RIN3: variants seen among roughly 807,000 people sequenced by gnomAD.
RIN3 encodes RAB5 interacting protein 3.
In RIN3, 54 loss-of-function variants were observed where a neutral mutation model predicts 76.3. The ratio of observed to expected loss-of-function variants is 0.71; its 90% CI spans 0.57 to 0.89. The LOEUF is 0.89. Ranked by LOEUF, RIN3 falls within the 40% of genes least tolerant of loss-of-function variation. RIN3 has a pLI of 0.00. For synonymous variants in RIN3, 576 were observed against 564.0 expected (o/e 1.02, Z -0.30); for missense variants, 1,256 against 1,322.1 (o/e 0.95, Z 0.78).
chr14:92,563,792 T>C, intron 2 of RIN3, among the ~76,000 whole-genome samples: 1 of 152,232 alleles, frequency 6.6e-6, no homozygotes, highest in East Asian at 1.9e-4. Context: ...AAGGTGGGCC[T>C]CAGTTTCCCC....
chr14:92,556,830 T>A (rs1237664202), intron 2 of RIN3, among the ~76,000 whole-genome samples: 1 of 152,230 alleles, frequency 6.6e-6, no homozygotes, highest in Non-Finnish European at 1.5e-5. Flanking sequence ...CTTTTCCACC[T>A]ACTGTAACCA....
chr14:92,609,663 C>T (rs758055935), intron 3 of RIN3, among the ~76,000 whole-genome samples: 19 of 152,076 alleles, frequency 1.2e-4, no homozygotes, highest in Non-Finnish European at 2.1e-4. Flanking sequence ...GTAGGTGGCA[C>T]GGGGGCTTTT....
intron 7 of RIN3, among the ~76,000 whole-genome samples, chr14:92,667,807 C>T (rs1888161992): frequency 6.6e-6 from 1 of 152,138 alleles, no homozygotes. Flanking sequence ...TATGGTCATT[C>T]AGGGATCCAT....
chr14:92,590,424 T>C (rs1884938571), intron 3 of RIN3, among the ~76,000 whole-genome samples: 1 of 152,108 alleles, frequency 6.6e-6, no homozygotes, highest in African/African-American at 2.4e-5. Flanking sequence ...TGAGTTCTGG[T>C]GAGATCTGGC....
At chr14:92,663,240 A>G (rs1463170045) in intron 7 of RIN3, among the ~76,000 whole-genome samples, 1 of 152,266 alleles carries the variant, frequency 6.6e-6, no homozygotes, top group Non-Finnish European at 1.5e-5. Context: ...TTGTGGTGAA[A>G]GTCAAACACC....
chr14:92,515,542 TAC>T (rs987782578), intron 1 of RIN3: 3 of 449,206 alleles, frequency 6.7e-6, no homozygotes, highest in African/African-American at 6.1e-5. Context: ...GAGGACTAAA[TAC>T]ACAGAGTTGA....
chr14:92,583,917 T>G (rs192273852), intron 3 of RIN3, among the ~76,000 whole-genome samples: 393 of 152,292 alleles, frequency 2.6e-3, no homozygotes, highest in Non-Finnish European at 4.6e-3. Context: ...ACAATAGGGT[T>G]CTTGCTCCTA....
intron 3 of RIN3, among the ~76,000 whole-genome samples, chr14:92,614,456 T>C (rs898803856): frequency 6.6e-6 from 1 of 152,228 alleles, no homozygotes; most frequent in African/African-American, 2.4e-5. Flanking sequence ...AACTTCTGTG[T>C]TATTTTGTCA....
chr14:92,688,232 C>T lies in RIN3; in HGVS notation c.2938C>T (p.Arg980Trp), dbSNP rs766595882. The change falls in exon 10 of 10, where the codon CGG (arginine) becomes TGG (tryptophan). Residue 980 changes from arginine to tryptophan, a missense_variant. Arg to Trp is a moderately radical substitution (Grantham distance 101). Coordinates refer to ENST00000216487, the MANE Select transcript of RIN3 (RefSeq NM_024832.5). Reference sequence around the variant, plus strand: ...CGGGAGCCCGCCCTGCCTGGTGGTGCGGGAGCCCAACTTCCTGTGAGGCCC... The same window carrying T: ...CGGGAGCCCGCCCTGCCTGGTGGTGTGGGAGCCCAACTTCCTGTGAGGCCC... ...GGGSPPCLVV[R>W]EPNFL 6.3e-6 allele frequency: 10 copies of T among 1,593,638 alleles called. No individual in the cohort carries two copies. The highest frequency in any genetic ancestry group is 1.7e-4 in the Middle Eastern group (1 of 5,978).
At chr14:92,524,877 T>C (rs1241825082) in intron 1 of RIN3, among the ~76,000 whole-genome samples, 1 of 152,200 alleles carries the variant, frequency 6.6e-6, no homozygotes, top group Non-Finnish European at 1.5e-5. Context: ...AGAGATGGAA[T>C]GTGGGCACAT....
At chr14:92,630,177 G>A (rs1422656081) in intron 4 of RIN3, among the ~76,000 whole-genome samples, 1 of 152,136 alleles carries the variant, frequency 6.6e-6, no homozygotes, top group African/African-American at 2.4e-5. Flanking sequence ...GCTGAAGGAG[G>A]GAATAAGAAA....
At chr14:92,528,069 T>TG (rs1437595446) in intron 1 of RIN3, among the ~76,000 whole-genome samples, 2 of 27,028 alleles carry the variant, frequency 7.4e-5, no homozygotes, top group African/African-American at 1.5e-4. Flanking sequence ...AGGGGGCTGC[T>TG]GGGGGGTCCT....
chr14:92,578,255 A>G (rs74324655), intron 3 of RIN3, among the ~76,000 whole-genome samples: 3,244 of 151,952 alleles, frequency 0.021, 141 homozygotes, highest in African/African-American at 0.073. Flanking sequence ...AAAAAGAAAA[A>G]AAAGAAAAAA....
At chr14:92,576,421 G>A in intron 2 of RIN3, 1 of 1,288,342 alleles carries the variant, frequency 7.8e-7, no homozygotes, top group Non-Finnish European at 1.0e-6. Context: ...CGTCCTCACA[G>A]CCTAGAGCCA....
chr14:92,584,674 G>A (rs760043207), intron 3 of RIN3, among the ~76,000 whole-genome samples: 29 of 152,154 alleles, frequency 1.9e-4, no homozygotes, highest in Admixed American at 3.3e-4. Flanking sequence ...ATGAAGGGCC[G>A]AGACTCAAGA....
intron 7 of RIN3, among the ~76,000 whole-genome samples, chr14:92,666,231 T>C (rs1208791909): frequency 6.6e-6 from 1 of 152,182 alleles, no homozygotes; most frequent in African/African-American, 2.4e-5. Context: ...ATGTGGTACC[T>C]TCATGGCCCG....
chr14:92,610,883 A>G (rs188118833), intron 3 of RIN3, among the ~76,000 whole-genome samples: 2 of 152,202 alleles, frequency 1.3e-5, no homozygotes, highest in Non-Finnish European at 2.9e-5. Context: ...ATTGCCTTGC[A>G]TGTGTAAAAT....
rs1566888307 is a variant in RIN3, at chr14:92,652,662, TG to T, written c.1618del (p.Val540CysfsTer28). The T allele has an allele frequency of 6.2e-7, 1 of 1,612,428 alleles. No homozygotes were observed. Among genetic ancestry groups the T allele is most frequent in the Non-Finnish European group, 8.5e-7 (1 of 1,179,956 alleles). ...TCCCTGGCCTCCCTCTCAGACAGCT[TG>T]GGGGTGTCTGTCATGGCCACCGACC... ...KGSLASLSDS[L>X]GVSVMATDQD... is the part of the protein sequence containing the mutation. On this transcript the variant is annotated frameshift_variant, in exon 6 of 10. Transcript: ENST00000216487. LOFTEE classifies it high-confidence loss of function. The surrounding 1 kb of genome is among the most constrained non-coding windows in gnomAD (Gnocchi z 6.4).
In RIN3 at chr14:92,631,593, AT is replaced by A. The variant is rs1376940424; in HGVS notation, c.441-9636del. On this transcript the variant is annotated intron_variant, in intron 4 of 9. Coordinates refer to ENST00000216487, the MANE Select transcript of RIN3 (RefSeq NM_024832.5). ...TCTGGGGTGGGACACAGGAATCTGC[AT>A]TTTTTTTTGGCGGCGGCGGGAGTGG... Among the ~76,000 whole-genome samples, 9 of 150,310 alleles carry A rather than the reference AT, an allele frequency of 6.0e-5. No individual in the cohort carries two copies. The South Asian group carries it at 1.3e-3, about 21-fold the overall frequency.
Sources: allele counts gnomAD v4.1 joint callset (sites outside exome capture counted in the v4.1 genomes callset), GRCh38; gene constraint gnomAD v4.1.1; non-coding constraint Gnocchi (gnomAD v3.1); transcripts MANE v1.5; gene names NCBI Gene and HGNC (gene_info 2026-07-23, HGNC 2026-07-21).